FRMPD1: variants seen among roughly 807,000 people sequenced by gnomAD.
The protein encoded by FRMPD1 is FERM and PDZ domain-containing protein 1.
A neutral mutation model predicts 117.8 loss-of-function variants in FRMPD1; 76 were observed. The ratio of observed to expected loss-of-function variants is 0.65; its 90% CI spans 0.54 to 0.78. The LOEUF (loss-of-function observed/expected upper bound fraction) is 0.78. FRMPD1 is among the 30% of genes least tolerant of loss of function. The pLI, the probability that FRMPD1 is intolerant of heterozygous loss-of-function variation, is 0.00. For missense variants in FRMPD1, 1,786 were observed against 1,964.5 expected (o/e 0.91, Z 1.72); for synonymous variants, 783 against 770.4 (o/e 1.02, Z -0.27).
At chr9:37,662,296 A>G (rs903326069) in intron 1 of FRMPD1, among the ~76,000 whole-genome samples, 44 of 152,164 alleles carry the variant, frequency 2.9e-4, no homozygotes, top group African/African-American at 1.0e-3. Context: ...CATGTTCCAA[A>G]CATCCCCTAT....
At chr9:37,637,435 G>A in the FRMPD1 span, 1 of 617,226 alleles carries the variant, frequency 1.6e-6, no homozygotes, top group African/African-American at 1.8e-5. Context: ...TTAGTATACA[G>A]TTCTGTGAGT....
chr9:37,650,784 C>T (rs1820643476), upstream of FRMPD1, among the ~76,000 whole-genome samples: 1 of 151,198 alleles, frequency 6.6e-6, no homozygotes, highest in South Asian at 2.1e-4. Flanking sequence ...CTGCGGCGGG[C>T]CGGGACCTCG....
chr9:37,702,128 A>G (rs563708835), intron 2 of FRMPD1, among the ~76,000 whole-genome samples: 2 of 152,372 alleles, frequency 1.3e-5, no homozygotes, highest in African/African-American at 4.8e-5. Context: ...ATAAAGGAAA[A>G]TGACAAAGTT....
chr9:37,716,434 T>C lies in FRMPD1; in HGVS notation c.409-2635T>C, dbSNP rs533787995. 5.3e-5 allele frequency among the ~76,000 whole-genome samples: 8 copies of C among 152,360 alleles called. No homozygotes were observed. The South Asian group carries it at 8.3e-4, about 16-fold the overall frequency. ...GGGGCTGAAAGGCTTATTTGTACAGTTGACAGCTGTAGTCATTTTCCAATG... is the reference window on the plus strand; with the variant it reads ...GGGGCTGAAAGGCTTATTTGTACAGCTGACAGCTGTAGTCATTTTCCAATG... On this transcript the variant is annotated intron_variant, in intron 5 of 15. Coordinates refer to ENST00000377765, the MANE Select transcript of FRMPD1 (RefSeq NM_014907.3).
chr9:37,626,022 G>A, the FRMPD1 span, among the ~76,000 whole-genome samples: 2 of 152,260 alleles, frequency 1.3e-5, no homozygotes, highest in Non-Finnish European at 2.9e-5. Context: ...GTGAAACCCC[G>A]TATCTATTAA....
the FRMPD1 span, among the ~76,000 whole-genome samples, chr9:37,605,963 T>C: frequency 6.6e-6 from 1 of 152,106 alleles, no homozygotes; most frequent in Non-Finnish European, 1.5e-5. Flanking sequence ...CACCTCAGCC[T>C]CCCACATAGC....
intron 1 of FRMPD1, among the ~76,000 whole-genome samples, chr9:37,686,621 G>A (rs1476850351): frequency 6.6e-6 from 1 of 152,208 alleles, no homozygotes; most frequent in Non-Finnish European, 1.5e-5. Context: ...ATCCCTGGAT[G>A]AAGGTACCTG....
chr9:37,664,796 A>C (rs1821111578), intron 1 of FRMPD1, among the ~76,000 whole-genome samples: 1 of 152,240 alleles, frequency 6.6e-6, no homozygotes, highest in Admixed American at 6.5e-5. Context: ...GCCCCCTTAT[A>C]AATCTAATAA....
intron 5 of FRMPD1, among the ~76,000 whole-genome samples, chr9:37,715,950 A>G (rs1016403669): frequency 6.6e-6 from 1 of 152,180 alleles, no homozygotes; most frequent in Non-Finnish European, 1.5e-5. Flanking sequence ...GACCTTCTCT[A>G]GGCTAAACAA....
At chr9:37,641,141 G>T in the FRMPD1 span, among the ~76,000 whole-genome samples, 3 of 152,296 alleles carry the variant, frequency 2.0e-5, no homozygotes, top group African/African-American at 7.2e-5. Flanking sequence ...GCCCACCGCA[G>T]CCTCCCAAAG....
At position 37,746,250 on chromosome 9, in the gene FRMPD1, G is replaced by A; in HGVS notation, c.4218G>A (p.Arg1406=). The change falls in exon 16 of 16, where the codon AGG becomes AGA. Residue 1406 remains arginine, a synonymous_variant. Coordinates refer to ENST00000377765, the MANE Select transcript of FRMPD1 (RefSeq NM_014907.3). The stretch of plus-strand genomic sequence containing the variant: ...ACATCTGGCCAGAGTACTGCTCCAG[G>A]GCACTGAGACAGCTGAAAGCCACCC... ...KSHIWPEYCS[R]ALRQLKATPA... is the part of the protein sequence containing the mutation. 1 of 1,612,880 alleles carries A rather than the reference G, an allele frequency of 6.2e-7. No homozygotes were observed. Among genetic ancestry groups the A allele is most frequent in the Non-Finnish European group, 8.5e-7 (1 of 1,179,884 alleles).
At chr9:37,684,194 G>A in intron 1 of FRMPD1, among the ~76,000 whole-genome samples, 1 of 152,246 alleles carries the variant, frequency 6.6e-6, no homozygotes, top group Non-Finnish European at 1.5e-5. Context: ...GGAGGCAGTG[G>A]GATGGAATGG....
the FRMPD1 span, among the ~76,000 whole-genome samples, chr9:37,603,559 G>A: frequency 1.3e-4 from 20 of 152,304 alleles, no homozygotes; most frequent in Admixed American, 7.2e-4. Flanking sequence ...ATTGCAGTGG[G>A]GGAGGTGGGT....
chr9:37,705,808 C>A (rs151121559), intron 2 of FRMPD1, among the ~76,000 whole-genome samples: 3,415 of 151,648 alleles, frequency 0.023, 80 homozygotes, highest in Non-Finnish European at 0.034. Flanking sequence ...AAACCCCATC[C>A]CTACTAAAAA....
intron 1 of FRMPD1, among the ~76,000 whole-genome samples, chr9:37,659,332 T>C (rs1820928785): frequency 6.6e-6 from 1 of 152,236 alleles, no homozygotes; most frequent in South Asian, 2.1e-4. Context: ...TCCTTCAGCA[T>C]CCTGGCTGCT....
At chr9:37,667,501 C>T (rs1246556565) in intron 1 of FRMPD1, among the ~76,000 whole-genome samples, 2 of 139,716 alleles carry the variant, frequency 1.4e-5, no homozygotes, top group African/African-American at 5.6e-5. Context: ...GGTGAGACCC[C>T]ATCTCTACTA....
intron 9 of FRMPD1, 79 bp from the exon 10 acceptor site, chr9:37,732,225 G>C: frequency 6.7e-7 from 1 of 1,486,630 alleles, no homozygotes; most frequent in Non-Finnish European, 9.2e-7. Flanking sequence ...TCCTGGTCCT[G>C]CTGCCTTTCA....
rs138606555 is a variant in FRMPD1 at position 37,653,912 on chromosome 9, G to C, written c.-5+2818G>C. 1.8e-4 allele frequency among the ~76,000 whole-genome samples: 28 copies of C among 152,276 alleles called. No individual in the cohort carries two copies. The East Asian group carries it at 4.8e-3, about 26-fold the overall frequency. On this transcript the variant is annotated intron_variant, in intron 1 of 15. Coordinates refer to ENST00000377765, the MANE Select transcript of FRMPD1 (RefSeq NM_014907.3). ...CTCACTCGAGACTGCGGTGAGCTAT[G>C]ATCAGGCCACTGCACTCCAGCCCGG...
the FRMPD1 span, chr9:37,637,027 G>A: frequency 2.6e-6 from 4 of 1,547,696 alleles, no homozygotes; most frequent in Non-Finnish European, 3.6e-6. Flanking sequence ...GGTCAGTGAC[G>A]TCATATACCA....
Sources: allele counts gnomAD v4.1 joint callset (sites outside exome capture counted in the v4.1 genomes callset), GRCh38; gene constraint gnomAD v4.1.1; transcripts MANE v1.5; gene names NCBI Gene and HGNC (gene_info 2026-07-23, HGNC 2026-07-21).